The following ATL2 variants were observed in gnomAD, a reference collection of about 807,000 sequenced individuals.
ATL2 encodes the protein atlastin GTPase 2, also known as atlastin-2.
ATL2 carries 31 observed loss-of-function variants against 73.9 expected under a neutral mutation model. That is an observed-to-expected ratio of 0.42 (90% CI 0.32 to 0.57). The LOEUF (loss-of-function observed/expected upper bound fraction) is 0.57. Among genes scored for constraint, ATL2 ranks in the 20% least tolerant of loss-of-function variants. The pLI, the probability that ATL2 is intolerant of heterozygous loss-of-function variation, is 0.14. For synonymous variants in ATL2, 291 were observed against 237.5 expected (o/e 1.23, Z -2.07); for missense variants, 738 against 702.6 (o/e 1.05, Z -0.57).
At chr2:38,334,725 G>A in intron 2 of ATL2, among the ~76,000 whole-genome samples, 1 of 149,942 alleles carries the variant, frequency 6.7e-6, no homozygotes, top group African/African-American at 2.5e-5. Context: ...AAAAAAATCT[G>A]GTCAAAGTTT....
intron 1 of ATL2, among the ~76,000 whole-genome samples, chr2:38,351,166 T>C (rs1374182330): frequency 6.6e-6 from 1 of 152,172 alleles, no homozygotes; most frequent in Non-Finnish European, 1.5e-5. Context: ...AAATTAGTTA[T>C]CCCACAAAAG....
chr2:38,360,173 T>C (rs1435878062), intron 1 of ATL2, among the ~76,000 whole-genome samples: 1 of 150,430 alleles, frequency 6.6e-6, no homozygotes. Context: ...AATTTAAATT[T>C]GGTATTTTAA....
chr2:38,343,142 C>T, intron 2 of ATL2, 126 bp downstream of exon 2: 5 of 838,986 alleles, frequency 6.0e-6, no homozygotes, highest in East Asian at 3.9e-5. Flanking sequence ...AGTGAGACCA[C>T]TTAAATTAAA....
chr2:38,318,755 C>T lies in ATL2; in HGVS notation c.499-116G>A. ...TAAATCAAGAAAAGTACTTATATCT[C>T]ATACATTTGACATAATAATCCGTAT... is the stretch of plus-strand genomic sequence containing the variant. On this transcript the variant is annotated intron_variant, in intron 3 of 12. Coordinates refer to ENST00000378954, the MANE Select transcript of ATL2 (RefSeq NM_001135673.4). 3.8e-6 allele frequency: 5 copies of T among 1,318,024 alleles called. No individual in the cohort carries two copies. In the South Asian group the frequency reaches 7.2e-5, roughly 19 times the overall value. The allele number at this position is 1,318,024 out of a possible 1,614,324, so 81.6% of individuals were successfully genotyped here.
At chr2:38,318,692 A>T in intron 3 of ATL2, 53 bp from the exon 4 acceptor site, 1 of 1,444,504 alleles carries the variant, frequency 6.9e-7, no homozygotes. Context: ...AAAAATGACT[A>T]TAAAAAAAAT....
chr2:38,377,007 G>A (rs1268455925), intron 1 of ATL2, 136 bp downstream of exon 1: 11 of 627,184 alleles, frequency 1.8e-5, no homozygotes, highest in Non-Finnish European at 2.7e-5. Context: ...GGCCCGGCGG[G>A]CAGGCGCGGC....
At chr2:38,364,840 T>C (rs574383360) in intron 1 of ATL2, among the ~76,000 whole-genome samples, 4 of 152,036 alleles carry the variant, frequency 2.6e-5, no homozygotes, top group South Asian at 4.2e-4. Flanking sequence ...GTCAGGAGAT[T>C]GAGACCATCC....
chr2:38,309,228 A>T, intron 9 of ATL2, 151 bp downstream of exon 9: 1 of 712,192 alleles, frequency 1.4e-6, no homozygotes, highest in Non-Finnish European at 2.2e-6. Flanking sequence ...ATCCTTAAAT[A>T]CAGATACATC....
intron 9 of ATL2, among the ~76,000 whole-genome samples, chr2:38,306,609 G>A (rs1667461767): frequency 6.6e-6 from 1 of 152,172 alleles, no homozygotes; most frequent in Middle Eastern, 3.2e-3. Context: ...GTCAGTCAAT[G>A]AGTGTGATAC....
chr2:38,350,209 G>C (rs1320185594), intron 1 of ATL2, among the ~76,000 whole-genome samples: 1 of 152,174 alleles, frequency 6.6e-6, no homozygotes, highest in Non-Finnish European at 1.5e-5. Context: ...AAGACAAGTA[G>C]ATTTCAGCCC....
chr2:38,296,797 C>CT, intron 12 of ATL2: 1 of 1,509,056 alleles, frequency 6.6e-7, no homozygotes, highest in South Asian at 1.2e-5. Flanking sequence ...CTAAACTATA[C>CT]TGAAAATGAT....
At chr2:38,368,003 C>T (rs13003506) in intron 1 of ATL2, among the ~76,000 whole-genome samples, 11 of 150,698 alleles carry the variant, frequency 7.3e-5, no homozygotes, top group South Asian at 6.3e-4. Flanking sequence ...GGCGCAATCT[C>T]GGCTCACTGC....
chr2:38,304,132 C>A (rs1004644254), intron 9 of ATL2, among the ~76,000 whole-genome samples: 27 of 152,184 alleles, frequency 1.8e-4, no homozygotes, highest in Non-Finnish European at 8.8e-5. Context: ...ACAAGAAGCA[C>A]GAATGGATTC....
intron 2 of ATL2, among the ~76,000 whole-genome samples, chr2:38,342,420 C>T (rs1325547037): frequency 6.6e-6 from 1 of 151,924 alleles, no homozygotes; most frequent in African/African-American, 2.4e-5. Flanking sequence ...AGGGAAGGCC[C>T]CCATGAAAAG....
intron 2 of ATL2, among the ~76,000 whole-genome samples, chr2:38,341,544 G>A (rs560552588): frequency 6.6e-6 from 1 of 152,088 alleles, no homozygotes; most frequent in Non-Finnish European, 1.5e-5. Context: ...AGGCTGAGGT[G>A]GGAGGATCAC....
At chr2:38,321,249 A>AATT (rs746110755) in intron 2 of ATL2, among the ~76,000 whole-genome samples, 2 of 152,050 alleles carry the variant, frequency 1.3e-5, no homozygotes, top group Admixed American at 6.6e-5. Context: ...AACCATCTTT[A>AATT]ATTATTATTA....
chr2:38,324,046 C>T (rs908674210), intron 2 of ATL2, among the ~76,000 whole-genome samples: 5 of 152,158 alleles, frequency 3.3e-5, no homozygotes, highest in African/African-American at 4.8e-5. Flanking sequence ...GAAGCCGAGG[C>T]GGGCGGATCA....
intron 1 of ATL2, chr2:38,376,176 C>G (rs765279682): frequency 1.3e-6 from 2 of 1,522,104 alleles, no homozygotes; most frequent in Non-Finnish European, 1.8e-6. Context: ...TTCTTAAGTA[C>G]CATCAAAATT....
chr2:38,327,037 A>G (rs1337481092), intron 2 of ATL2, among the ~76,000 whole-genome samples: 1 of 150,008 alleles, frequency 6.7e-6, no homozygotes, highest in Non-Finnish European at 1.5e-5. Flanking sequence ...AAATAGGGTG[A>G]AATGTTGACA....
Sources: gnomAD v4.1 joint callset for allele counts (sites outside exome capture counted in the v4.1 genomes callset) on GRCh38, gnomAD v4.1.1 for gene constraint, MANE v1.5 for transcripts, NCBI Gene and HGNC (gene_info 2026-07-23, HGNC 2026-07-21) for gene names.